Variants in KNTC1 observed in about 807,000 individuals in gnomAD.
KNTC1 encodes the protein kinetochore associated 1.
A neutral mutation model predicts 314.4 loss-of-function variants in KNTC1; 253 were observed. That is an observed-to-expected ratio of 0.80 (90% CI 0.73 to 0.89). The LOEUF is 0.89. Among genes scored for constraint, KNTC1 ranks in the 40% least tolerant of loss-of-function variants. The pLI, the probability that KNTC1 is intolerant of heterozygous loss-of-function variation, is 0.00. For missense variants in KNTC1, 2,475 were observed against 2,572.9 expected (o/e 0.96, Z 0.82); for synonymous variants, 901 against 901.4 (o/e 1.00, Z 0.01).
intron 18 of KNTC1, among the ~76,000 whole-genome samples, chr12:122,559,477 T>TG (rs532100554): frequency 2.2e-3 from 328 of 152,364 alleles, no homozygotes; most frequent in African/African-American, 7.6e-3. Context: ...TATCAGTTGA[T>TG]GGACATTTGG....
At chr12:122,551,099 A>G (rs1963163538) in intron 13 of KNTC1, among the ~76,000 whole-genome samples, 6 of 151,268 alleles carry the variant, frequency 4.0e-5, no homozygotes, top group Admixed American at 3.9e-4. Flanking sequence ...CCTATGTGAT[A>G]TTATTTTGAG....
chr12:122,566,591 G>T (rs138450600), intron 20 of KNTC1, among the ~76,000 whole-genome samples: 6 of 151,742 alleles, frequency 4.0e-5, no homozygotes, highest in African/African-American at 1.5e-4. Flanking sequence ...TGTAGTTTTA[G>T]TAGAGATGGG....
At chr12:122,624,728 T>G in intron 63 of KNTC1, 40 bp downstream of exon 63, 1 of 1,410,184 alleles carries the variant, frequency 7.1e-7, no homozygotes, top group South Asian at 1.2e-5. Flanking sequence ...AACTTGACAT[T>G]GTTTATATTC....
At chr12:122,527,776 CTT>C (rs1960847024) in intron 1 of KNTC1, 2 of 152,472 alleles carry the variant, frequency 1.3e-5, no homozygotes, top group East Asian at 3.9e-4. Context: ...GCCTCCGAGT[CTT>C]TGCACTCTGT....
chr12:122,554,055 A>T (rs1226843016), intron 16 of KNTC1, among the ~76,000 whole-genome samples: 2 of 126,684 alleles, frequency 1.6e-5, no homozygotes, highest in Admixed American at 1.7e-4. Flanking sequence ...AACATACAGA[A>T]TACTTCCTTA....
At chr12:122,589,429 C>A (rs1399788678) in intron 40 of KNTC1, among the ~76,000 whole-genome samples, 2 of 150,340 alleles carry the variant, frequency 1.3e-5, no homozygotes, top group Admixed American at 6.6e-5. Flanking sequence ...TTGCATTAAG[C>A]ATTTAATTTC....
intron 3 of KNTC1, among the ~76,000 whole-genome samples, chr12:122,535,512 G>A (rs1961726475): frequency 6.6e-6 from 1 of 152,124 alleles, no homozygotes; most frequent in Non-Finnish European, 1.5e-5. Context: ...CCGTGCTGGT[G>A]TGCGCCTATA....
At chr12:122,591,940 C>T (rs2138049982) in intron 42 of KNTC1, among the ~76,000 whole-genome samples, 1 of 152,342 alleles carries the variant, frequency 6.6e-6, no homozygotes, top group East Asian at 1.9e-4. Flanking sequence ...AGGAGCCCTT[C>T]GGCCTGCCGC....
chr12:122,554,686 G>A (rs1275859241), intron 16 of KNTC1, among the ~76,000 whole-genome samples: 5 of 152,062 alleles, frequency 3.3e-5, no homozygotes, highest in African/African-American at 1.2e-4. Flanking sequence ...AACCAAAACA[G>A]AAAATCTGTG....
intron 10 of KNTC1, among the ~76,000 whole-genome samples, chr12:122,547,189 C>A (rs12303819): frequency 0.04 from 5,991 of 151,464 alleles, 404 homozygotes; most frequent in African/African-American, 0.14. Context: ...TGGTGGCTAG[C>A]CTACTAAAAA....
chr12:122,543,592 T>A lies in KNTC1; in HGVS notation c.524-8T>A. 6.4e-7 allele frequency: 1 copy of A among 1,551,490 alleles called. No individual in the cohort carries two copies. Among genetic ancestry groups the A allele is most frequent in the African/African-American group, 1.4e-5 (1 of 73,190 alleles). On this transcript the variant is annotated splice_region_variant and splice_polypyrimidine_tract_variant and intron_variant, in intron 6 of 63. Transcript: ENST00000333479. ...TATACATTTAGCCTGCTTTCTTTTT[T>A]AATGCAGCAATTGAGAATGTAGACT...
At chr12:122,555,996 A>G (rs1467705346) in intron 16 of KNTC1, among the ~76,000 whole-genome samples, 1 of 152,104 alleles carries the variant, frequency 6.6e-6, no homozygotes, top group Non-Finnish European at 1.5e-5. Context: ...TGGTGAGAAC[A>G]TTTAAAACCT....
chr12:122,534,847 TCTG>T, intron 3 of KNTC1, 63 bp downstream of exon 3: 6 of 1,483,668 alleles, frequency 4.0e-6, no homozygotes, highest in Non-Finnish European at 5.6e-6. Context: ...GCTGCCAATT[TCTG>T]CTGGATTGCC....
chr12:122,618,302 T>A (rs766670498), intron 57 of KNTC1, 41 bp from the exon 58 acceptor site: 1 of 1,588,846 alleles, frequency 6.3e-7, no homozygotes, highest in Non-Finnish European at 8.6e-7. Flanking sequence ...GTTTGTAATA[T>A]CCTTAACATG....
chr12:122,588,920 T>A lies in KNTC1; in HGVS notation c.3999+104T>A, dbSNP rs575794121. On this transcript the variant is annotated intron_variant, in intron 40 of 63. Coordinates refer to ENST00000333479, the MANE Select transcript of KNTC1 (RefSeq NM_014708.6). ...GTTTATGATTCAGTACAGTAGTATT[T>A]TACTATTCAAAAACTTCAAGAAACT... 2.1e-5 allele frequency: 13 copies of A among 604,914 alleles called. No individual in the cohort carries two copies. The South Asian group carries it at 4.6e-4, about 21-fold the overall frequency. 37.5% of individuals were successfully genotyped at this position (604,914 alleles called of 1,614,324 possible). A position where few individuals can be genotyped will look rare whatever the true frequency, so the allele number is the denominator to read the frequency against.
intron 51 of KNTC1, among the ~76,000 whole-genome samples, chr12:122,607,782 C>T (rs1232062082): frequency 6.6e-6 from 1 of 152,130 alleles, no homozygotes; most frequent in Non-Finnish European, 1.5e-5. Context: ...AGAGCACAGG[C>T]CAGTTGGTTT....
At chr12:122,606,089 C>T (rs888670554) in intron 51 of KNTC1, among the ~76,000 whole-genome samples, 2 of 151,614 alleles carry the variant, frequency 1.3e-5, no homozygotes, top group Non-Finnish European at 2.9e-5. Context: ...TCTCAAACTC[C>T]TGGCCTCAAG....
intron 27 of KNTC1, 124 bp downstream of exon 27, chr12:122,574,504 A>C (rs1964895289): frequency 1.6e-6 from 1 of 615,566 alleles, no homozygotes; most frequent in African/African-American, 1.9e-5. Context: ...TGTGTCGCCC[A>C]GGCTGGAATG....
Position 122,584,394 on chromosome 12 carries a change from A to G in KNTC1, c.3380A>G (p.Asn1127Ser), listed in dbSNP as rs750274991. Residue 1127 changes from asparagine to serine, a missense_variant, in exon 35 of 64, where the codon AAT (asparagine) becomes AGT (serine). Physicochemically the swap from Asn to Ser is conservative, Grantham distance 46. Coordinates refer to ENST00000333479, the MANE Select transcript of KNTC1 (RefSeq NM_014708.6). ...CCAGTGACAGTGCCTGTGGGACTGA[A>G]TCTTCCTTCCATGATACATGATCTA... Reference protein sequence around the residue: ...NVPVTVPVGLNLPSMIHDLAS... With the variant: ...NVPVTVPVGLSLPSMIHDLAS... The G allele has an allele frequency of 6.2e-7, 1 of 1,613,576 alleles. No homozygotes were observed. Among genetic ancestry groups the G allele is most frequent in the Non-Finnish European group, 8.5e-7 (1 of 1,179,634 alleles).
Sources: gnomAD v4.1 joint callset for allele counts (sites outside exome capture counted in the v4.1 genomes callset) on GRCh38, gnomAD v4.1.1 for gene constraint, MANE v1.5 for transcripts, NCBI Gene and HGNC (gene_info 2026-07-23, HGNC 2026-07-21) for gene names.